Variants in UTS2B observed in about 807,000 individuals in gnomAD.
UTS2B encodes urotensin 2B.
Under a neutral mutation model 19.2 loss-of-function variants are expected in UTS2B, and 21 were observed. The ratio of observed to expected loss-of-function variants is 1.09; its 90% CI spans 0.78 to 1.58. UTS2B has a LOEUF of 1.58. Among genes scored for constraint, UTS2B ranks in the 40% most tolerant of loss-of-function variants. The pLI is 0.00. For missense variants in UTS2B, 138 were observed against 130.3 expected, an observed-to-expected ratio of 1.06 and a Z score of -0.29; for synonymous variants, 57 against 50.2, an observed-to-expected ratio of 1.14 and a Z score of -0.58.
intron 3 of UTS2B, among the ~76,000 whole-genome samples, chr3:191,306,065 T>C (rs1717132062): frequency 1.3e-5 from 2 of 152,234 alleles, no homozygotes; most frequent in African/African-American, 4.8e-5. Flanking sequence ...TTTTGATTAC[T>C]GTTGCCCTGT....
In UTS2B at chr3:191,295,606, C is replaced by A. The variant is rs550534198; in HGVS notation, c.-125+8886G>T. Among the ~76,000 whole-genome samples the A allele has an allele frequency of 2.6e-5, 4 of 152,014 alleles. No individual in the cohort carries two copies. The South Asian group carries it at 8.3e-4, about 31-fold the overall frequency. ...ACCTCTCTCCCCACCTCTTTTGTAC[C>A]ACACCTGTGCATCCAAAGACACTTT... On this transcript the variant is annotated intron_variant, in intron 4 of 8. Transcript: ENST00000340524.
chr3:191,316,989 C>T (rs1165739173), intron 2 of UTS2B, among the ~76,000 whole-genome samples: 5 of 152,270 alleles, frequency 3.3e-5, no homozygotes, highest in Non-Finnish European at 7.3e-5. Flanking sequence ...CGGAGCCTCC[C>T]GTTAGTCCCG....
rs139498861 is a variant in UTS2B, at chr3:191,285,730, T to C, written c.-124-3417A>G. ...TCCTGGCCAACATGGTGAAACCCTGTCTCTACCAAAACACAAAAATTAGCT... is the reference window on the plus strand; with the variant it reads ...TCCTGGCCAACATGGTGAAACCCTGCCTCTACCAAAACACAAAAATTAGCT... On this transcript the variant is annotated intron_variant, in intron 4 of 8. Coordinates refer to ENST00000340524, the MANE Select transcript of UTS2B (RefSeq NM_198152.5). 7.2e-5 allele frequency among the ~76,000 whole-genome samples: 11 copies of C among 152,164 alleles called. No individual in the cohort carries two copies. The East Asian group carries it at 1.5e-3, about 21-fold the overall frequency.
intron 4 of UTS2B, 173 bp from the exon 5 acceptor site, chr3:191,282,486 A>G (rs55762859): frequency 0.073 from 17,334 of 238,842 alleles, 1,042 homozygotes; most frequent in African/African-American, 0.19. Flanking sequence ...AAGCATTCCT[A>G]TGCATGCCCA....
intron 5 of UTS2B, among the ~76,000 whole-genome samples, chr3:191,279,161 A>C (rs1012117481): frequency 2.0e-5 from 3 of 152,046 alleles, no homozygotes; most frequent in Admixed American, 2.0e-4. Flanking sequence ...AAAATGAATA[A>C]TTTGGGGCAA....
chr3:191,290,528 C>T (rs1008215379), intron 4 of UTS2B, among the ~76,000 whole-genome samples: 7 of 152,146 alleles, frequency 4.6e-5, no homozygotes, highest in South Asian at 4.1e-4. Flanking sequence ...ATCTACCCAA[C>T]GCAGAGCTAC....
intron 4 of UTS2B, among the ~76,000 whole-genome samples, chr3:191,284,625 A>G (rs954553541): frequency 2.0e-5 from 3 of 150,700 alleles, no homozygotes; most frequent in Admixed American, 6.6e-5. Context: ...CCTGGCCCCA[A>G]AATGAATAAT....
At chr3:191,321,838 C>T (rs1043067150) in intron 2 of UTS2B, among the ~76,000 whole-genome samples, 3 of 152,140 alleles carry the variant, frequency 2.0e-5, no homozygotes, top group Non-Finnish European at 4.4e-5. Context: ...ACCAGCCTGG[C>T]CAACATGGTG....
Position 191,327,533 on chromosome 3 carries a change from C to A in UTS2B, c.-586+1098G>T, listed in dbSNP as rs187472826. On this transcript the variant is annotated intron_variant, in intron 2 of 8. Coordinates refer to ENST00000340524, the MANE Select transcript of UTS2B (RefSeq NM_198152.5). ...TATTAGAGACCCATGAGAGCTGAGG[C>A]CATGGAAAAGAGGCCTCTACACAGG... Among the ~76,000 whole-genome samples, 8 of 152,194 alleles carry A rather than the reference C, an allele frequency of 5.3e-5. No individual in the cohort carries two copies. The East Asian group carries it at 1.5e-3, about 29-fold the overall frequency.
the UTS2B span, among the ~76,000 whole-genome samples, chr3:191,342,608 T>C: frequency 6.6e-6 from 1 of 152,146 alleles, no homozygotes; most frequent in Non-Finnish European, 1.5e-5. Context: ...TGGCTGGGTT[T>C]ATCCTACAGA....
intron 8 of UTS2B, among the ~76,000 whole-genome samples, chr3:191,271,180 G>C (rs1716081877): frequency 8.0e-6 from 1 of 125,582 alleles, no homozygotes; most frequent in African/African-American, 3.2e-5. Context: ...CTCCAGCCTG[G>C]TGACAGAGTG....
At chr3:191,272,107 G>C (rs557530047) in intron 8 of UTS2B, among the ~76,000 whole-genome samples, 1 of 152,128 alleles carries the variant, frequency 6.6e-6, no homozygotes, top group Admixed American at 6.5e-5. Flanking sequence ...TGAAGTGAAG[G>C]AAAAATGGTC....
At chr3:191,336,851 G>C in the UTS2B span, among the ~76,000 whole-genome samples, 1 of 152,218 alleles carries the variant, frequency 6.6e-6, no homozygotes, top group Non-Finnish European at 1.5e-5. Flanking sequence ...GATAAAGAAT[G>C]AGCAGTAATC....
At chr3:191,307,785 C>CCTTATGTAGG (rs1486984961) in intron 3 of UTS2B, among the ~76,000 whole-genome samples, 2 of 152,038 alleles carry the variant, frequency 1.3e-5, no homozygotes, top group Non-Finnish European at 2.9e-5. Flanking sequence ...TCAGTCAGCA[C>CCTTATGTAGG]CTTATGTAGG....
intron 3 of UTS2B, among the ~76,000 whole-genome samples, chr3:191,312,755 T>A (rs76956371): frequency 6.6e-6 from 1 of 152,180 alleles, no homozygotes; most frequent in Non-Finnish European, 1.5e-5. Context: ...CAAAACGTCA[T>A]CTTGAGGATT....
At chr3:191,310,270 ATT>A (rs35657398) in intron 3 of UTS2B, among the ~76,000 whole-genome samples, 3 of 147,142 alleles carry the variant, frequency 2.0e-5, no homozygotes, top group African/African-American at 2.5e-5. Context: ...CCAGCCAGGT[ATT>A]TTTTTTTTTT....
chr3:191,333,796 G>A (rs547691297), upstream of UTS2B, among the ~76,000 whole-genome samples: 14 of 152,112 alleles, frequency 9.2e-5, no homozygotes, highest in East Asian at 2.7e-3. Flanking sequence ...CTTTTAAAAG[G>A]CAGAGATAAT....
the UTS2B span, among the ~76,000 whole-genome samples, chr3:191,345,626 A>G: frequency 6.6e-6 from 1 of 152,202 alleles, no homozygotes; most frequent in Admixed American, 6.5e-5. Context: ...AGCATTTTCA[A>G]AACCCGCTTG....
chr3:191,303,906 C>T (rs1717066927), intron 4 of UTS2B, among the ~76,000 whole-genome samples: 1 of 152,062 alleles, frequency 6.6e-6, no homozygotes, highest in Non-Finnish European at 1.5e-5. Flanking sequence ...TAGTTAGGTC[C>T]AGCTTGGTCC....
Sources: allele counts gnomAD v4.1 joint callset (sites outside exome capture counted in the v4.1 genomes callset), GRCh38; gene constraint gnomAD v4.1.1; transcripts MANE v1.5; gene names NCBI Gene and HGNC (gene_info 2026-07-23, HGNC 2026-07-21).